The following BBS9 variants were observed in gnomAD, a reference collection of about 807,000 sequenced individuals.
BBS9 encodes the protein Bardet-Biedl syndrome 9, also known as protein PTHB1.
Under a neutral mutation model 117.7 loss-of-function variants are expected in BBS9, and 89 were observed. The ratio of observed to expected loss-of-function variants is 0.76; its 90% CI spans 0.64 to 0.90. The LOEUF is 0.90. Ranked by LOEUF, BBS9 falls within the 40% of genes least tolerant of loss-of-function variation. The pLI is 0.00. For missense variants in BBS9, 982 were observed against 1,042.2 expected, an observed-to-expected ratio of 0.94 and a Z score of 0.80; for synonymous variants, 379 against 370.9, an observed-to-expected ratio of 1.02 and a Z score of -0.25.
At chr7:33,502,725 G>T (rs767238240) in intron 19 of BBS9, among the ~76,000 whole-genome samples, 5 of 152,094 alleles carry the variant, frequency 3.3e-5, no homozygotes, top group Non-Finnish European at 5.9e-5. Context: ...TCAGCTAGTA[G>T]TAGTATGCCC....
At chr7:33,404,978 G>A (rs1267840899) in intron 19 of BBS9, among the ~76,000 whole-genome samples, 1 of 152,002 alleles carries the variant, frequency 6.6e-6, no homozygotes, top group Admixed American at 6.6e-5. Context: ...ATTGGCTGTG[G>A]GTTTGTCATA....
chr7:33,545,863 G>A (rs1298015800), intron 21 of BBS9, among the ~76,000 whole-genome samples: 2 of 145,478 alleles, frequency 1.4e-5, no homozygotes, highest in African/African-American at 5.1e-5. Context: ...TTTTTTCTTT[G>A]CATATGTGTA....
At chr7:33,444,826 A>G (rs1421236066) in intron 19 of BBS9, among the ~76,000 whole-genome samples, 3 of 152,198 alleles carry the variant, frequency 2.0e-5, no homozygotes, top group South Asian at 2.1e-4. Flanking sequence ...AGTATAATCT[A>G]TTCTCCCTGC....
chr7:33,545,168 G>C (rs1260863907), intron 21 of BBS9, among the ~76,000 whole-genome samples: 1 of 152,186 alleles, frequency 6.6e-6, no homozygotes, highest in Non-Finnish European at 1.5e-5. Flanking sequence ...TGCCTGTAGA[G>C]TCTGCATGCC....
intron 21 of BBS9, among the ~76,000 whole-genome samples, chr7:33,617,828 A>C (rs1235137684): frequency 6.6e-6 from 1 of 152,180 alleles, no homozygotes; most frequent in Non-Finnish European, 1.5e-5. Context: ...AAGACAAGTC[A>C]TTTGAGATTA....
chr7:33,212,214 C>T (rs544614833), intron 5 of BBS9, among the ~76,000 whole-genome samples: 2 of 152,250 alleles, frequency 1.3e-5, no homozygotes. Context: ...AGATTTGCCC[C>T]TTTGAGGCTA....
intron 21 of BBS9, among the ~76,000 whole-genome samples, chr7:33,558,494 C>CAGG (rs1193078333): frequency 6.6e-6 from 1 of 152,074 alleles, no homozygotes; most frequent in Non-Finnish European, 1.5e-5. Context: ...GAAAGGAGGC[C>CAGG]AGGGTGACTG....
At chr7:33,506,492 G>C (rs557020936) in intron 20 of BBS9, among the ~76,000 whole-genome samples, 35 of 152,212 alleles carry the variant, frequency 2.3e-4, no homozygotes, top group Non-Finnish European at 3.7e-4. Context: ...TAAGTGTTTT[G>C]TAAGAATTAT....
At chr7:33,513,455 T>G (rs894941124) in intron 20 of BBS9, among the ~76,000 whole-genome samples, 1 of 152,240 alleles carries the variant, frequency 6.6e-6, no homozygotes, top group Non-Finnish European at 1.5e-5. Context: ...ATTAAACATA[T>G]AGTTGTATAC....
At chr7:33,337,947 T>C (rs1429057371) in intron 10 of BBS9, among the ~76,000 whole-genome samples, 1 of 152,116 alleles carries the variant, frequency 6.6e-6, no homozygotes, top group African/African-American at 2.4e-5. Context: ...TTAACATTAA[T>C]TGAATATGAA....
intron 4 of BBS9, among the ~76,000 whole-genome samples, chr7:33,175,464 GC>G (rs1232333365): frequency 6.6e-6 from 1 of 151,840 alleles, no homozygotes; most frequent in Non-Finnish European, 1.5e-5. Context: ...AAATTTAATG[GC>G]CTTTAACTGA....
At chr7:33,209,951 T>G (rs1314432123) in intron 5 of BBS9, among the ~76,000 whole-genome samples, 3 of 152,178 alleles carry the variant, frequency 2.0e-5, no homozygotes, top group Non-Finnish European at 4.4e-5. Flanking sequence ...TGGTTTGCTC[T>G]TGCTTTTCTC....
intron 21 of BBS9, among the ~76,000 whole-genome samples, chr7:33,628,639 A>G (rs1404050711): frequency 6.6e-6 from 1 of 152,226 alleles, no homozygotes; most frequent in Non-Finnish European, 1.5e-5. Context: ...GAAAGAATGT[A>G]TCTGCTCTGC....
intron 21 of BBS9, among the ~76,000 whole-genome samples, chr7:33,601,350 C>T (rs1270788925): frequency 6.6e-6 from 1 of 151,982 alleles, no homozygotes. Context: ...GCTTTTCTTC[C>T]CCTTCTCCTT....
intron 21 of BBS9, among the ~76,000 whole-genome samples, chr7:33,535,001 C>G (rs185407917): frequency 2.1e-4 from 32 of 152,330 alleles, no homozygotes; most frequent in Middle Eastern, 3.4e-3. Flanking sequence ...TCCCCGCCCC[C>G]ATTCCCTCTC....
chr7:33,515,117 AG>A (rs1388161123), intron 20 of BBS9, among the ~76,000 whole-genome samples: 2 of 152,198 alleles, frequency 1.3e-5, no homozygotes, highest in African/African-American at 4.8e-5. Flanking sequence ...TGGACGAATC[AG>A]GAAAAAAAAA....
chr7:33,257,105 C>T lies in BBS9; in HGVS notation c.443-131C>T, dbSNP rs549755466. 1.1e-5 allele frequency: 6 copies of T among 562,066 alleles called. No homozygotes were observed. In the East Asian group the frequency reaches 2.0e-4, roughly 19 times the overall value. The allele number at this position is 562,066 out of a possible 1,614,324, so 34.8% of individuals were successfully genotyped here. On this transcript the variant is annotated intron_variant, in intron 5 of 22. Coordinates refer to ENST00000242067, the MANE Select transcript of BBS9 (RefSeq NM_198428.3). ...TTTTTCACTATTAGTAATTTTCACA[C>T]CGAATGCTGCTTAATGCTATGATTT... is the stretch of plus-strand genomic sequence containing the variant.
chr7:33,393,353 C>T (rs1270416431), intron 19 of BBS9, among the ~76,000 whole-genome samples: 14 of 152,112 alleles, frequency 9.2e-5, no homozygotes, highest in Admixed American at 9.2e-4. Context: ...TAGCTTTGTC[C>T]AGTACTGGCT....
Position 33,177,492 on chromosome 7 carries a change from G to A in BBS9, c.343G>A (p.Val115Met). The A allele has an allele frequency of 6.2e-7, 1 of 1,604,888 alleles. No individual in the cohort carries two copies. Among genetic ancestry groups the A allele is most frequent in the South Asian group, 1.1e-5 (1 of 90,896 alleles). Reference sequence around the variant, plus strand: ...TTTTTCCTTAGGAACCTTGGGTAATGTGGAACATGGGAACCAATGTCAGAT... The same window carrying A: ...TTTTTCCTTAGGAACCTTGGGTAATATGGAACATGGGAACCAATGTCAGAT... Reference protein sequence around the residue: ...VYSVSGTLGNVEHGNQCQMKL... With the variant: ...VYSVSGTLGNMEHGNQCQMKL... The change falls in exon 5 of 23, where the codon GTG becomes ATG. Residue 115 changes from valine (V) to methionine (M), a missense_variant. By Grantham distance (21) the Val-to-Met change is conservative (BLOSUM62 1). Transcript: ENST00000242067.
Sources: allele counts gnomAD v4.1 joint callset (sites outside exome capture counted in the v4.1 genomes callset), GRCh38; gene constraint gnomAD v4.1.1; transcripts MANE v1.5; gene names NCBI Gene and HGNC (gene_info 2026-07-23, HGNC 2026-07-21).